The following PPP1R3F variants were observed in gnomAD, a reference collection of about 807,000 sequenced individuals.
PPP1R3F encodes the protein protein phosphatase 1 regulatory subunit 3F.
PPP1R3F carries 29 observed loss-of-function variants against 24.2 expected under a neutral mutation model. The observed-to-expected ratio is 1.20, with a 90% CI of 0.89 to 1.63. PPP1R3F has a LOEUF of 1.63. Among genes scored for constraint, PPP1R3F ranks in the 40% most tolerant of loss-of-function variants. PPP1R3F has a pLI of 0.00. For missense variants in PPP1R3F, 823 were observed against 729.3 expected, an observed-to-expected ratio of 1.13 and a Z score of -1.48; for synonymous variants, 363 against 340.1, an observed-to-expected ratio of 1.07 and a Z score of -0.74.
Position 49,270,466 on chromosome X carries a change from C to T in PPP1R3F, c.597C>T (p.Val199=), listed in dbSNP as rs1557118865. 2.5e-6 allele frequency: 3 copies of T among 1,199,891 alleles called. No individual in the cohort carries two copies. The highest frequency in any genetic ancestry group is 3.4e-6 in the Non-Finnish European group (3 of 893,701). ...TTTGCGACCACCCAGCGCGCTACGT[C>T]CCGCGCAGCCCGCCGTGGGCAGGAG... ...ASFCDHPARY[V]PRSPPWAGAG... Residue 199 remains valine, a synonymous_variant, in exon 1 of 4, where the codon GTC becomes GTT. Transcript: ENST00000055335.
chrX:49,300,161 C>G (rs1009493130), intron 3 of PPP1R3F, among the ~76,000 whole-genome samples: 4 of 111,936 alleles, frequency 3.6e-5, no homozygotes, highest in Non-Finnish European at 7.5e-5. Flanking sequence ...AGGGAATCTC[C>G]TGGTCTGTGG....
chrX:49,301,021 C>T (rs1557123302), intron 3 of PPP1R3F, among the ~76,000 whole-genome samples: 1 of 112,422 alleles, frequency 8.9e-6, no homozygotes, highest in African/African-American at 3.2e-5. Flanking sequence ...ATTTGAAGTT[C>T]AAAGACCATG....
chrX:49,292,576 G>A (rs1188657370), downstream of PPP1R3F, among the ~76,000 whole-genome samples: 1 of 112,768 alleles, frequency 8.9e-6, no homozygotes, highest in African/African-American at 3.2e-5. Flanking sequence ...CTGGCCAGCT[G>A]CCAGCTCCGC....
intron 3 of PPP1R3F, among the ~76,000 whole-genome samples, chrX:49,296,297 A>T (rs1442061146): frequency 1.8e-5 from 2 of 111,775 alleles, no homozygotes; most frequent in Non-Finnish European, 3.8e-5. Context: ...TTTCTAGTTT[A>T]TTTGTGTAGA....
At chrX:49,276,776 GAC>G (rs2066216150) in intron 1 of PPP1R3F, among the ~76,000 whole-genome samples, 1 of 111,993 alleles carries the variant, frequency 8.9e-6, no homozygotes, top group South Asian at 3.7e-4. Flanking sequence ...AGTTGAGGCT[GAC>G]ACACTTGTTG....
downstream of PPP1R3F, among the ~76,000 whole-genome samples, chrX:49,292,196 C>G (rs782548168): frequency 2.7e-5 from 3 of 111,581 alleles, no homozygotes; most frequent in East Asian, 8.5e-4. Flanking sequence ...TGGAGCCTCC[C>G]TCTCTGCATG....
chrX:49,301,086 A>G (rs2066336103), intron 3 of PPP1R3F, among the ~76,000 whole-genome samples: 2 of 112,666 alleles, frequency 1.8e-5, no homozygotes, highest in Admixed American at 9.4e-5. Flanking sequence ...TGTGTTTTCC[A>G]AATTGCTGAC....
At chrX:49,273,822 G>A (rs910106084) in intron 1 of PPP1R3F, 5 of 112,602 alleles carry the variant, frequency 4.4e-5, no homozygotes, top group Non-Finnish European at 9.4e-5. Context: ...CATGGGAGAA[G>A]TCCGTGGTAG....
chrX:49,272,090 G>A (rs1057426191), intron 1 of PPP1R3F, among the ~76,000 whole-genome samples: 2 of 112,165 alleles, frequency 1.8e-5, no homozygotes, highest in Non-Finnish European at 3.8e-5. Context: ...GTATGTATAC[G>A]CTTGGTCAGA....
intron 3 of PPP1R3F, among the ~76,000 whole-genome samples, chrX:49,284,509 CTTTT>C (rs145170789): frequency 2.0e-5 from 1 of 50,857 alleles, no homozygotes; most frequent in Non-Finnish European, 3.7e-5. Flanking sequence ...CTTTTTCTTT[CTTTT>C]TTTTTTTTTT....
rs1367051759 is a variant in PPP1R3F, at chrX:49,269,974, G to T, written c.105G>T (p.Arg35=). 6.6e-6 allele frequency: 6 copies of T among 909,697 alleles called. No individual in the cohort carries two copies. The highest frequency in any genetic ancestry group is 8.1e-6 in the Non-Finnish European group (6 of 738,592). The allele number at this position is 909,697 out of a possible 1,213,427, so 75.0% of individuals were successfully genotyped here. Residue 35 remains arginine (R), a synonymous_variant, in exon 1 of 4, where the codon CGG becomes CGT. Transcript: ENST00000055335. ...CGGTCGAGGCGGCGGTGGCCCCGCGGAGGGTGCTGTTCGCCGACGAGGCCT... is the reference window on the plus strand; with the variant it reads ...CGGTCGAGGCGGCGGTGGCCCCGCGTAGGGTGCTGTTCGCCGACGAGGCCT... The part of the protein sequence containing the change: ...RTSVEAAVAP[R]RVLFADEALG...
At chrX:49,280,562 T>TTTTTTTTTTTTTG (rs1569530703) in intron 1 of PPP1R3F, among the ~76,000 whole-genome samples, 1 of 100,100 alleles carries the variant, frequency 1.0e-5, no homozygotes, top group Non-Finnish European at 2.0e-5. Flanking sequence ...TTTTTTTTTT[T>TTTTTTTTTTTTTG]GAGACTGAGT....
chrX:49,289,120 CA>C (rs1331797392), downstream of PPP1R3F, among the ~76,000 whole-genome samples: 1 of 111,539 alleles, frequency 9.0e-6, no homozygotes, highest in African/African-American at 3.3e-5. Flanking sequence ...ATCGAGACTC[CA>C]TCTCAAAAAC....
chrX:49,277,768 C>T (rs1398398134), intron 1 of PPP1R3F, among the ~76,000 whole-genome samples: 1 of 112,274 alleles, frequency 8.9e-6, no homozygotes, highest in Non-Finnish European at 1.9e-5. Context: ...TGTTTGTTAC[C>T]AGCGTGGTTG....
In PPP1R3F at chrX:49,270,159, C is replaced by T. The variant is rs1475103268; in HGVS notation, c.290C>T (p.Ala97Val). 1 of 1,091,580 alleles carries T rather than the reference C, an allele frequency of 9.2e-7. No homozygotes were observed. The highest frequency in any genetic ancestry group is 2.3e-5 in the South Asian group (1 of 43,501). 90.0% of individuals were successfully genotyped at this position (1,091,580 alleles called of 1,213,427 possible). The change falls in exon 1 of 4, where the codon GCT becomes GTT. Residue 97 changes from alanine to valine, a missense_variant. Coordinates refer to ENST00000055335, the MANE Select transcript of PPP1R3F (RefSeq NM_033215.5). ...DGDEGEEEEE[A>V]CPEPSPLCPV... ...GATGAAGGGGAGGAGGAAGAGGAGG[C>T]TTGCCCCGAGCCCTCACCGCTGTGC...
In PPP1R3F at chrX:49,270,701, G is replaced by T; in HGVS notation, c.832G>T (p.Gly278Cys). The part of the protein sequence containing the change: ...PEGTFWANNH[G>C]RNYTVLLRIA... ...GGGCACTTTCTGGGCCAACAACCAC[G>T]GCCGCAACTACACAGTCCTGCTCCG... The change falls in exon 1 of 4, where the codon GGC becomes TGC. Residue 278 changes from glycine to cysteine, a missense_variant. Transcript: ENST00000055335. 2 of 1,208,486 alleles carry T rather than the reference G, an allele frequency of 1.7e-6. No homozygotes were observed. The highest frequency in any genetic ancestry group is 2.2e-5 in the Admixed American group (1 of 45,907).
intron 2 of PPP1R3F, 95 bp downstream of exon 2, chrX:49,281,556 T>C (rs1390229931): frequency 1.4e-6 from 1 of 730,166 alleles, no homozygotes; most frequent in Non-Finnish European, 2.1e-6. Flanking sequence ...AAGGCTGGGC[T>C]CAGTGGCTCA....
chrX:49,296,506 T>A (rs1044524108), intron 3 of PPP1R3F, among the ~76,000 whole-genome samples: 2 of 111,884 alleles, frequency 1.8e-5, no homozygotes, highest in Non-Finnish European at 1.9e-5. Context: ...GTTTTTCACC[T>A]CTCTGTCTCC....
chrX:49,272,485 C>T (rs1205702831), intron 1 of PPP1R3F, among the ~76,000 whole-genome samples: 2 of 112,293 alleles, frequency 1.8e-5, no homozygotes, highest in South Asian at 7.3e-4. Flanking sequence ...TGCTCAGAAC[C>T]GAGTCTGGCT....
Sources: allele counts gnomAD v4.1 joint callset (sites outside exome capture counted in the v4.1 genomes callset), GRCh38; gene constraint gnomAD v4.1.1; transcripts MANE v1.5; gene names NCBI Gene and HGNC (gene_info 2026-07-23, HGNC 2026-07-21).